JAK1: variants seen among roughly 807,000 people sequenced by gnomAD.
JAK1 encodes tyrosine-protein kinase JAK1.
JAK1 carries 16 observed loss-of-function variants against 136.6 expected under a neutral mutation model. The observed-to-expected ratio is 0.12, with a 90% CI of 0.08 to 0.18. The LOEUF (loss-of-function observed/expected upper bound fraction) is 0.18. Ranked by LOEUF, JAK1 falls within the 10% of genes least tolerant of loss-of-function variation. JAK1 has a pLI of 1.00. For missense variants in JAK1, 859 were observed against 1,450.1 expected (o/e 0.59, Z 6.62); for synonymous variants, 492 against 519.5 (o/e 0.95, Z 0.72).
At chr1:64,885,268 T>A (rs978059818) in intron 2 of JAK1, among the ~76,000 whole-genome samples, 5 of 152,106 alleles carry the variant, frequency 3.3e-5, no homozygotes, top group South Asian at 2.1e-4. Context: ...CCATCCCACA[T>A]TGAAAAACTG....
intron 1 of JAK1, among the ~76,000 whole-genome samples, chr1:64,948,526 C>T (rs377646136): frequency 6.6e-6 from 1 of 152,192 alleles, no homozygotes; most frequent in Admixed American, 6.5e-5. Flanking sequence ...TTGTTGATTT[C>T]GCAGATCTCA....
At chr1:64,839,549 G>A (rs976967791) in intron 20 of JAK1, 54 bp downstream of exon 20, 9 of 1,520,864 alleles carry the variant, frequency 5.9e-6, no homozygotes, top group Non-Finnish European at 8.1e-6. Flanking sequence ...TGGCCTTTAT[G>A]ACCCTAGACA....
In JAK1 at chr1:64,869,343, C is replaced by T. The variant is rs2101130972; in HGVS notation, c.615G>A (p.Lys205=). ...LAISHYAMMK[K]MQLPELPKDI... ...CCTTGGGCAGTTCTGGCAACTGCATCTTCTTCATCATGGCATAGTGTGAGA... is the reference window on the plus strand; with the variant it reads ...CCTTGGGCAGTTCTGGCAACTGCATTTTCTTCATCATGGCATAGTGTGAGA... The change falls in exon 6 of 25, where the codon AAG becomes AAA. Residue 205 remains lysine, a synonymous_variant. Transcript: ENST00000342505. 3 of 1,614,124 alleles carry T rather than the reference C, an allele frequency of 1.9e-6. No individual in the cohort carries two copies. Among genetic ancestry groups the T allele is most frequent in the Non-Finnish European group, 2.5e-6 (3 of 1,180,012 alleles).
intron 22 of JAK1, among the ~76,000 whole-genome samples, chr1:64,836,970 C>T (rs1654520457): frequency 6.6e-6 from 1 of 152,226 alleles, no homozygotes; most frequent in Non-Finnish European, 1.5e-5. Flanking sequence ...CTGCAAACCT[C>T]CTATTCCATG....
chr1:64,878,503 T>C (rs1358511351), intron 4 of JAK1, among the ~76,000 whole-genome samples: 3 of 151,110 alleles, frequency 2.0e-5, no homozygotes, highest in Non-Finnish European at 4.4e-5. Flanking sequence ...TCGAGCTTTT[T>C]AGTTGCAACT....
intron 2 of JAK1, among the ~76,000 whole-genome samples, chr1:64,977,298 G>A (rs7516467): frequency 0.018 from 2,775 of 152,060 alleles, 94 homozygotes; most frequent in African/African-American, 0.064. Flanking sequence ...GCAAGTGCAT[G>A]CCACCACACC....
chr1:64,908,361 T>C (rs553228202), intron 1 of JAK1, among the ~76,000 whole-genome samples: 2 of 152,224 alleles, frequency 1.3e-5, no homozygotes, highest in African/African-American at 2.4e-5. Context: ...TATGGGGCTC[T>C]CTACTGAGCC....
At chr1:65,060,500 T>C (rs1379843182) in intron 1 of JAK1, among the ~76,000 whole-genome samples, 1 of 152,202 alleles carries the variant, frequency 6.6e-6, no homozygotes, top group Non-Finnish European at 1.5e-5. Context: ...AAGTTGAAAT[T>C]CACTCTACTA....
chr1:65,043,589 A>G (rs1266821971), intron 2 of JAK1, among the ~76,000 whole-genome samples: 1 of 151,758 alleles, frequency 6.6e-6, no homozygotes, highest in Non-Finnish European at 1.5e-5. Context: ...GCTGGACTGG[A>G]GTGGCATAAT....
intron 1 of JAK1, among the ~76,000 whole-genome samples, chr1:65,059,203 G>A (rs892865643): frequency 2.6e-5 from 4 of 151,016 alleles, no homozygotes; most frequent in South Asian, 2.1e-4. Context: ...AAGTTATGGC[G>A]AACCCATGTC....
At chr1:64,905,621 T>C (rs562201542) in intron 1 of JAK1, among the ~76,000 whole-genome samples, 4 of 152,302 alleles carry the variant, frequency 2.6e-5, no homozygotes, top group Non-Finnish European at 4.4e-5. Flanking sequence ...CATCTACACA[T>C]TGGGAACCTC....
intron 2 of JAK1, among the ~76,000 whole-genome samples, chr1:65,016,897 C>CA (rs1214478182): frequency 2.6e-5 from 4 of 151,750 alleles, no homozygotes; most frequent in African/African-American, 9.7e-5. Context: ...GACTCCATCT[C>CA]AAAAAAATAA....
intron 1 of JAK1, among the ~76,000 whole-genome samples, chr1:64,903,157 G>A (rs1645138214): frequency 1.3e-5 from 2 of 152,154 alleles, no homozygotes; most frequent in Non-Finnish European, 2.9e-5. Context: ...CTTCCGAGTA[G>A]CTGGGATTAC....
chr1:64,962,765 A>G (rs1327659777), intron 1 of JAK1, among the ~76,000 whole-genome samples: 3 of 152,176 alleles, frequency 2.0e-5, no homozygotes, highest in African/African-American at 7.2e-5. Flanking sequence ...GCAGCAAGGA[A>G]AGTATAAAAA....
chr1:64,884,092 T>A (rs1644817604), intron 2 of JAK1, among the ~76,000 whole-genome samples: 1 of 152,172 alleles, frequency 6.6e-6, no homozygotes. Flanking sequence ...TGGAGCCTGG[T>A]TCCTACCACC....
intron 2 of JAK1, among the ~76,000 whole-genome samples, chr1:64,983,401 C>T (rs1181817680): frequency 2.0e-5 from 3 of 152,098 alleles, no homozygotes; most frequent in Admixed American, 6.6e-5. Flanking sequence ...AGATAATAAT[C>T]GTTCAGAAAA....
chr1:64,901,010 G>A (rs1374440305), intron 1 of JAK1, among the ~76,000 whole-genome samples: 1 of 152,154 alleles, frequency 6.6e-6, no homozygotes, highest in Non-Finnish European at 1.5e-5. Context: ...AGAGAGTCCT[G>A]TGCTTACCTT....
chr1:64,985,098 G>A (rs1172410255), intron 2 of JAK1: 4 of 983,968 alleles, frequency 4.1e-6, no homozygotes, highest in Non-Finnish European at 3.3e-6. Flanking sequence ...CATATGTAGA[G>A]TCCTTCTTAC....
At chr1:64,962,419 G>A (rs1039124) in intron 1 of JAK1, among the ~76,000 whole-genome samples, 82,608 of 152,024 alleles carry the variant, frequency 0.54, 25,893 homozygotes, top group Non-Finnish European at 0.72. Context: ...CAGTTTATCC[G>A]CAGAGCACCA....
Sources: allele counts gnomAD v4.1 joint callset (sites outside exome capture counted in the v4.1 genomes callset), GRCh38; gene constraint gnomAD v4.1.1; transcripts MANE v1.5; gene names NCBI Gene and HGNC (gene_info 2026-07-23, HGNC 2026-07-21).